HLA-DRB1: variants seen among roughly 807,000 people sequenced by gnomAD.
HLA-DRB1 encodes the protein major histocompatibility complex, class II, DR beta 1 precursor.
HLA-DRB1 carries 10 observed loss-of-function variants against 27.9 expected under a neutral mutation model. That is an observed-to-expected ratio of 0.36 (90% CI 0.22 to 0.61). The LOEUF (loss-of-function observed/expected upper bound fraction) is 0.61. Ranked by LOEUF, HLA-DRB1 falls within the 20% of genes least tolerant of loss-of-function variation. The pLI is 0.73. For synonymous variants in HLA-DRB1, 57 were observed against 126.7 expected, an observed-to-expected ratio of 0.45 and a Z score of 3.69; for missense variants, 118 against 306.3, an observed-to-expected ratio of 0.39 and a Z score of 4.59.
At chr6:32,585,367 A>G (rs1252953927) in intron 1 of HLA-DRB1, among the ~76,000 whole-genome samples, 1 of 118,226 alleles carries the variant, frequency 8.5e-6, no homozygotes, top group Non-Finnish European at 1.7e-5. Flanking sequence ...TAAAAACACG[A>G]TCTCTTCTAC....
chr6:32,586,352 T>C (rs9270074), intron 1 of HLA-DRB1, among the ~76,000 whole-genome samples: 58 of 83,856 alleles, frequency 6.9e-4, no homozygotes, highest in Middle Eastern at 7.7e-3. Flanking sequence ...GGATGCTCCA[T>C]TGACTGCAAA....
chr6:32,582,264 CTT>C (rs1368729687), intron 2 of HLA-DRB1, among the ~76,000 whole-genome samples: 2 of 140,856 alleles, frequency 1.4e-5, no homozygotes, highest in Non-Finnish European at 1.5e-5. Context: ...TAATTTACCT[CTT>C]GGGGTTATAT....
intron 1 of HLA-DRB1, among the ~76,000 whole-genome samples, chr6:32,587,945 G>A (rs17203776): frequency 0.19 from 28,033 of 145,888 alleles, 2,815 homozygotes; most frequent in African/African-American, 0.22. Flanking sequence ...TGGTTTACAT[G>A]AATAAACCAG....
At chr6:32,586,854 A>C (rs1256713006) in intron 1 of HLA-DRB1, among the ~76,000 whole-genome samples, 1 of 88,244 alleles carries the variant, frequency 1.1e-5, no homozygotes, top group Non-Finnish European at 2.4e-5. Context: ...GAAAATCCTT[A>C]GGAATAAGCT....
chr6:32,586,568 T>G (rs72850290), intron 1 of HLA-DRB1, among the ~76,000 whole-genome samples: 3,402 of 56,192 alleles, frequency 0.061, 398 homozygotes, highest in Non-Finnish European at 0.071. Flanking sequence ...CCCTGTTCTT[T>G]TTTCTTCACA....
chr6:32,585,323 C>A (rs1051921456), intron 1 of HLA-DRB1, among the ~76,000 whole-genome samples: 3,085 of 64,954 alleles, frequency 0.047, 68 homozygotes, highest in Non-Finnish European at 0.054. Context: ...TAATGATGGT[C>A]AAACTCTCAA....
At position 32,582,943 on chromosome 6, in the gene HLA-DRB1, T is replaced by A. The variant is rs1277998225; in HGVS notation, c.371-1105A>T. On this transcript the variant is annotated intron_variant, in intron 2 of 5. Coordinates refer to ENST00000360004, the Ensembl canonical transcript of HLA-DRB1. Reference sequence around the variant, plus strand: ...CAGATTTCAGATGGATTGTAGATCATTAATAAAAATGTTGCAATATATTTT... The same window carrying A: ...CAGATTTCAGATGGATTGTAGATCAATAATAAAAATGTTGCAATATATTTT... Among the ~76,000 whole-genome samples, 770 of 140,570 alleles carry A rather than the reference T, an allele frequency of 5.5e-3. 25 individuals carry two copies. Among genetic ancestry groups the A allele is most frequent in the Middle Eastern group, 0.026 (7 of 270 alleles). 92.2% of individuals were successfully genotyped at this position (140,570 alleles called of 152,430 possible). A position where few individuals can be genotyped will look rare whatever the true frequency, so the allele number is the denominator to read the frequency against.
intron 1 of HLA-DRB1, among the ~76,000 whole-genome samples, chr6:32,586,132 CCG>C (rs1491132365): frequency 0.074 from 9,041 of 122,256 alleles, 42 homozygotes; most frequent in Non-Finnish European, 0.09. Flanking sequence ...CAGGGGCTCT[CCG>C]TATTTCCTCG....
intron 1 of HLA-DRB1, among the ~76,000 whole-genome samples, chr6:32,588,030 T>C (rs1432172206): frequency 2.0e-5 from 3 of 150,346 alleles, no homozygotes; most frequent in Non-Finnish European, 4.4e-5. Context: ...TTCATTTTAA[T>C]GTCACACTAG....
intron 1 of HLA-DRB1, 95 bp downstream of exon 1, chr6:32,589,548 A>G (rs1236694194): frequency 3.5e-6 from 2 of 563,516 alleles, no homozygotes; most frequent in Admixed American, 3.6e-5. Flanking sequence ...AGAAAACGTC[A>G]CAATTTCTTA....
chr6:32,586,064 ACTGGCTGTGTTAAATAT>A (rs1776337303), intron 1 of HLA-DRB1, among the ~76,000 whole-genome samples: 1 of 82,800 alleles, frequency 1.2e-5, no homozygotes, highest in African/African-American at 5.3e-5. Context: ...TGTGTGAAAT[ACTGGCTGTGTTAAATAT>A]TGGCTGTGTG....
chr6:32,589,567 G>A (rs17211001), intron 1 of HLA-DRB1, 76 bp downstream of exon 1: 73 of 545,774 alleles, frequency 1.3e-4, no homozygotes, highest in Middle Eastern at 6.2e-4. Context: ...TAAGGGACAT[G>A]GCCTGGGCAC....
At chr6:32,585,926 T>C (rs1776316768) in intron 1 of HLA-DRB1, among the ~76,000 whole-genome samples, 1 of 121,262 alleles carries the variant, frequency 8.2e-6, no homozygotes, top group Non-Finnish European at 1.7e-5. Flanking sequence ...TTCATAGGCC[T>C]GATACACAGT....
chr6:32,585,999 T>C (rs868603258), intron 1 of HLA-DRB1, among the ~76,000 whole-genome samples: 17,810 of 109,868 alleles, frequency 0.16, 1,762 homozygotes, highest in African/African-American at 0.18. Flanking sequence ...TATCACTCCA[T>C]TCTCATGACC....
chr6:32,585,309 T>A, intron 1 of HLA-DRB1, among the ~76,000 whole-genome samples: 1 of 78,374 alleles, frequency 1.3e-5, no homozygotes, highest in Non-Finnish European at 2.6e-5. Flanking sequence ...TAGTCACTAC[T>A]CACTAATGAT....
intron 1 of HLA-DRB1, among the ~76,000 whole-genome samples, chr6:32,585,649 T>G (rs1426347682): frequency 7.6e-6 from 1 of 130,772 alleles, no homozygotes; most frequent in Admixed American, 8.3e-5. Context: ...ATTAGTTTCA[T>G]AAAGAATTGT....
At chr6:32,582,069 A>G (rs2150767525) in intron 2 of HLA-DRB1, among the ~76,000 whole-genome samples, 1 of 106,730 alleles carries the variant, frequency 9.4e-6, no homozygotes, top group Non-Finnish European at 1.9e-5. Context: ...CATAGTTTTA[A>G]ATCGGCATGC....
intron 2 of HLA-DRB1, among the ~76,000 whole-genome samples, chr6:32,583,794 A>T (rs9269922): frequency 0.013 from 513 of 39,430 alleles, 23 homozygotes; most frequent in Middle Eastern, 0.05. Flanking sequence ...TCCAGCCCCC[A>T]GCACCCACCT....
At position 32,585,144 on chromosome 6, in the gene HLA-DRB1, A is replaced by G. The variant is rs1191947235; in HGVS notation, c.101-766T>C. ...CTTGTGTTCTTGAACACATGCCCAG[A>G]TAGACATATACAACGTTTAAAATGA... On this transcript the variant is annotated intron_variant, in intron 1 of 5. Transcript: ENST00000360004. 1.8e-4 allele frequency among the ~76,000 whole-genome samples: 6 copies of G among 33,304 alleles called. 1 individual carries two copies. The highest frequency in any genetic ancestry group is 3.8e-4 in the Non-Finnish European group (6 of 15,732). 21.8% of individuals were successfully genotyped at this position (33,304 alleles called of 152,430 possible).
Sources: allele counts gnomAD v4.1 joint callset (sites outside exome capture counted in the v4.1 genomes callset), GRCh38; gene constraint gnomAD v4.1.1; transcripts MANE v1.5; gene names NCBI Gene and HGNC (gene_info 2026-07-23, HGNC 2026-07-21).